The following ADAMTS14 variants were observed in gnomAD, a reference collection of about 807,000 sequenced individuals.
ADAMTS14 encodes ADAM metallopeptidase with thrombospondin type 1 motif 14.
ADAMTS14 carries 100 observed loss-of-function variants against 128.6 expected under a neutral mutation model. The ratio of observed to expected loss-of-function variants is 0.78; its 90% CI spans 0.66 to 0.92. The LOEUF is 0.92. ADAMTS14 is among the 40% of genes least tolerant of loss of function. The probability of loss-of-function intolerance (pLI) is 0.00; values close to 1 mark genes in which losing one functional copy is unlikely to be tolerated. For synonymous variants in ADAMTS14, 665 were observed against 653.8 expected, an observed-to-expected ratio of 1.02 and a Z score of -0.26; for missense variants, 1,562 against 1,658.6, an observed-to-expected ratio of 0.94 and a Z score of 1.01.
chr10:70,735,859 C>G (rs1841810970), intron 9 of ADAMTS14, among the ~76,000 whole-genome samples: 2 of 152,194 alleles, frequency 1.3e-5, no homozygotes, highest in South Asian at 4.1e-4. Context: ...GCAGCTGCCA[C>G]CCAGGGCCCA....
At chr10:70,745,531 C>A (rs1842152136) in intron 15 of ADAMTS14, 2 of 563,464 alleles carry the variant, frequency 3.5e-6, no homozygotes, top group African/African-American at 3.8e-5. Context: ...AGTAAAGAGT[C>A]CCCTTTCTAC....
chr10:70,687,596 C>T (rs1317772797), intron 2 of ADAMTS14, among the ~76,000 whole-genome samples: 1 of 25,198 alleles, frequency 4.0e-5, no homozygotes, highest in Non-Finnish European at 9.9e-5. Flanking sequence ...CGGGCAGAGG[C>T]GCCCCTCACC....
chr10:70,739,300 G>A (rs575540908), intron 11 of ADAMTS14, among the ~76,000 whole-genome samples: 5 of 152,042 alleles, frequency 3.3e-5, no homozygotes, highest in South Asian at 4.2e-4. Context: ...TCATGACCCC[G>A]ACCCTCTGGC....
intron 2 of ADAMTS14, among the ~76,000 whole-genome samples, chr10:70,690,427 A>T (rs1194697869): frequency 6.9e-6 from 1 of 144,892 alleles, no homozygotes; most frequent in Non-Finnish European, 1.6e-5. Flanking sequence ...TCATTGTGTC[A>T]TCAGGAGCCA....
At chr10:70,709,698 C>T (rs1589285425) in intron 4 of ADAMTS14, among the ~76,000 whole-genome samples, 1 of 152,170 alleles carries the variant, frequency 6.6e-6, no homozygotes, top group South Asian at 2.1e-4. Flanking sequence ...GACGGGATTT[C>T]ACTGTGTTAG....
At chr10:70,694,652 C>T (rs1407458892) in intron 2 of ADAMTS14, among the ~76,000 whole-genome samples, 3 of 152,186 alleles carry the variant, frequency 2.0e-5, no homozygotes, top group Admixed American at 1.3e-4. Context: ...CCTTTTGCAT[C>T]TGGCTTCTTT....
intron 2 of ADAMTS14, among the ~76,000 whole-genome samples, chr10:70,677,501 G>C (rs1461983918): frequency 2.0e-5 from 3 of 152,156 alleles, no homozygotes; most frequent in Non-Finnish European, 2.9e-5. Context: ...AGGCTGTCCA[G>C]GTACAGGCTT....
At position 70,754,001 on chromosome 10, in the gene ADAMTS14, G is replaced by A; in HGVS notation, c.2931G>A (p.Trp977Ter). The change falls in exon 19 of 22, where the codon TGG (tryptophan) becomes TGA (stop). Residue 977 changes from tryptophan (W) to a stop codon, truncating the protein, a stop_gained. Transcript: ENST00000373207. LOFTEE classifies it high-confidence loss of function. ...PCPAQWRLGA[W>*]SQCSATCGEG... is the part of the protein sequence containing the mutation. ...CAGCCCAGTGGAGGCTGGGAGCCTG[G>A]TCCCAGGTGACTTGTCCTCAGGAGG... The A allele has an allele frequency of 3.2e-6, 5 of 1,560,750 alleles. No individual in the cohort carries two copies. Among genetic ancestry groups the A allele is most frequent in the Non-Finnish European group, 4.3e-6 (5 of 1,156,180 alleles).
At chr10:70,673,901 C>A (rs1000117015) in intron 1 of ADAMTS14, among the ~76,000 whole-genome samples, 1 of 152,208 alleles carries the variant, frequency 6.6e-6, no homozygotes, top group South Asian at 2.1e-4. Context: ...GCAGGTCACC[C>A]CCTGTATATC....
At chr10:70,708,330 G>A (rs190394206) in intron 3 of ADAMTS14, among the ~76,000 whole-genome samples, 9 of 152,288 alleles carry the variant, frequency 5.9e-5, no homozygotes, top group South Asian at 4.2e-4. Flanking sequence ...AGTGGCTCCC[G>A]GAACCCAGGC....
Position 70,741,091 on chromosome 10 carries a change from G to T in ADAMTS14, c.1853G>T (p.Cys618Phe). 6.2e-7 allele frequency: 1 copy of T among 1,614,020 alleles called. No homozygotes were observed. Among genetic ancestry groups the T allele is most frequent in the Admixed American group, 1.7e-5 (1 of 60,032 alleles). The change falls in exon 12 of 22, where the codon TGT (cysteine) becomes TTT (phenylalanine). Residue 618 changes from cysteine (C) to phenylalanine (F), a missense_variant. Coordinates refer to ENST00000373207, the MANE Select transcript of ADAMTS14 (RefSeq NM_080722.4). ...GTYEDFRAQQ[C>F]AKRNSYYVHQ... ...TACGAGGACTTCCGGGCCCAGCAGT[G>T]TGCCAAGCGCAACTCCTACTATGTG...
rs1483806878 is a variant in ADAMTS14 at position 70,761,476 on chromosome 10, T to C, written c.*623T>C. Reference sequence around the variant, plus strand: ...CTGAGGCCAGGCAGCAGAGGCCAGTTTGTCTTTGCTGGCCAGAAGATGGTG... The same window carrying C: ...CTGAGGCCAGGCAGCAGAGGCCAGTCTGTCTTTGCTGGCCAGAAGATGGTG... On this transcript the variant is annotated 3_prime_UTR_variant, in exon 22 of 22. Transcript: ENST00000373207. 1 of 152,314 alleles carries C rather than the reference T, an allele frequency of 6.6e-6. No homozygotes were observed. Among genetic ancestry groups the C allele is most frequent in the African/African-American group, 2.4e-5 (1 of 41,418 alleles). 9.4% of individuals were successfully genotyped at this position (152,314 alleles called of 1,614,324 possible).
At chr10:70,742,843 T>C (rs1842044320) in intron 12 of ADAMTS14, among the ~76,000 whole-genome samples, 1 of 152,244 alleles carries the variant, frequency 6.6e-6, no homozygotes, top group African/African-American at 2.4e-5. Context: ...AAACATTTAA[T>C]TGTTAGGACC....
At chr10:70,750,053 C>G (rs2541229) in intron 16 of ADAMTS14, 68 bp downstream of exon 16, 1 of 1,572,060 alleles carries the variant, frequency 6.4e-7, no homozygotes, top group Non-Finnish European at 8.7e-7. Context: ...GCTACATCTG[C>G]TGCCAAGCCA....
intron 4 of ADAMTS14, among the ~76,000 whole-genome samples, chr10:70,716,705 G>A (rs1216920074): frequency 6.6e-6 from 1 of 152,206 alleles, no homozygotes; most frequent in Non-Finnish European, 1.5e-5. Context: ...GATTTCCGGG[G>A]CCAGGTCTGG....
At chr10:70,719,429 T>C (rs1250034207) in intron 4 of ADAMTS14, among the ~76,000 whole-genome samples, 1 of 150,870 alleles carries the variant, frequency 6.6e-6, no homozygotes, top group Non-Finnish European at 1.5e-5. Context: ...AGAGGTAGGG[T>C]CTTGCTTTGT....
intron 21 of ADAMTS14, among the ~76,000 whole-genome samples, chr10:70,759,436 G>A (rs1247457610): frequency 6.6e-6 from 1 of 152,090 alleles, no homozygotes; most frequent in Non-Finnish European, 1.5e-5. Flanking sequence ...CCTACATGGA[G>A]TTATCACAGA....
rs747851446 is a variant in ADAMTS14, at chr10:70,753,792, G to C, written c.2730-8G>C. 2 of 1,562,438 alleles carry C rather than the reference G, an allele frequency of 1.3e-6. No individual in the cohort carries two copies. Among genetic ancestry groups the C allele is most frequent in the East Asian group, 2.3e-5 (1 of 43,294 alleles). On this transcript the variant is annotated splice_region_variant and splice_polypyrimidine_tract_variant and intron_variant, in intron 18 of 21. Coordinates refer to ENST00000373207, the MANE Select transcript of ADAMTS14 (RefSeq NM_080722.4). The stretch of plus-strand genomic sequence containing the variant: ...GTCTCACCTCCTCTCCTTTCACCCT[G>C]TTTCCAGGTGGGTGACGGAGGAGTG...
intron 3 of ADAMTS14, among the ~76,000 whole-genome samples, chr10:70,706,111 ATCCTGAAGGAT>A (rs2132606348): frequency 6.6e-6 from 1 of 152,208 alleles, no homozygotes; most frequent in East Asian, 1.9e-4. Flanking sequence ...TGCTCCTGTC[ATCCTGAAGGAT>A]GAGGGACCCA....
Sources: allele counts gnomAD v4.1 joint callset (sites outside exome capture counted in the v4.1 genomes callset), GRCh38; gene constraint gnomAD v4.1.1; transcripts MANE v1.5; gene names NCBI Gene and HGNC (gene_info 2026-07-23, HGNC 2026-07-21).